The following TRIM23 variants were observed in gnomAD, a reference collection of about 807,000 sequenced individuals.
The protein encoded by TRIM23 is tripartite motif containing 23, also known as E3 ubiquitin-protein ligase TRIM23.
In TRIM23, 27 loss-of-function variants were observed where a neutral mutation model predicts 71.0. The ratio of observed to expected loss-of-function variants is 0.38; its 90% CI spans 0.28 to 0.52. The LOEUF (loss-of-function observed/expected upper bound fraction) is 0.52, where lower values mean the gene tolerates loss of function less well. Ranked by LOEUF, TRIM23 falls within the 20% of genes least tolerant of loss-of-function variation. TRIM23 has a pLI of 0.84. For missense variants in TRIM23, 482 were observed against 692.3 expected, an observed-to-expected ratio of 0.70 and a Z score of 3.41; for synonymous variants, 234 against 238.0, an observed-to-expected ratio of 0.98 and a Z score of 0.16.
intron 9 of TRIM23, among the ~76,000 whole-genome samples, chr5:65,594,924 T>A (rs1378206032): frequency 1.3e-5 from 2 of 152,174 alleles, no homozygotes; most frequent in African/African-American, 4.8e-5. Context: ...TCAAATAACT[T>A]TTTACATAAC....
chr5:65,624,024 C>T (rs536289000), intron 1 of TRIM23, among the ~76,000 whole-genome samples, 170 bp downstream of exon 1: 116 of 152,330 alleles, frequency 7.6e-4, no homozygotes, highest in Non-Finnish European at 2.1e-4. Flanking sequence ...CAATTTCAGG[C>T]CATAGGAGAG....
intron 2 of TRIM23, among the ~76,000 whole-genome samples, 165 bp downstream of exon 2, chr5:65,617,928 T>C (rs980784931): frequency 1.3e-5 from 2 of 152,216 alleles, no homozygotes; most frequent in African/African-American, 2.4e-5. Flanking sequence ...AAGAGTGAGA[T>C]AGTTTATAGC....
chr5:65,609,176 T>A (rs139652469), intron 6 of TRIM23, 67 bp downstream of exon 6: 1 of 1,497,496 alleles, frequency 6.7e-7, no homozygotes, highest in South Asian at 1.2e-5. Flanking sequence ...AACACACTAA[T>A]GTATACCTCT....
chr5:65,609,219 C>A, intron 6 of TRIM23, 24 bp downstream of exon 6: 1 of 1,612,280 alleles, frequency 6.2e-7, no homozygotes, highest in South Asian at 1.1e-5. Flanking sequence ...CAACTAAGTC[C>A]CTAACCACAT....
Position 65,591,807 on chromosome 5 carries a change from G to C in TRIM23, c.1687C>G (p.Arg563Gly). ...GLYEGLDWLS[R>G]QLVAAGVLDV... ...AATACTCCAGCAGCTACAAGTTGCC[G>C]TGAGAGCCAGTCCAACCCTTCATAC... Residue 563 changes from arginine to glycine, a missense_variant, in exon 11 of 11, where the codon CGG becomes GGG. Physicochemically the swap from Arg to Gly is moderately radical, Grantham distance 125 (BLOSUM62 -2). This residue lies in a region of TRIM23 where 307 missense variants were observed against 495.8 expected (regional missense o/e 0.62). Transcript: ENST00000231524. 2 of 1,610,076 alleles carry C rather than the reference G, an allele frequency of 1.2e-6. No individual in the cohort carries two copies. Among genetic ancestry groups the C allele is most frequent in the Non-Finnish European group, 1.7e-6 (2 of 1,177,510 alleles).
intron 1 of TRIM23, among the ~76,000 whole-genome samples, chr5:65,620,816 C>G (rs1302989860): frequency 6.6e-6 from 1 of 152,096 alleles, no homozygotes; most frequent in African/African-American, 2.4e-5. Context: ...TGGCTCACAC[C>G]TGTAATCACA....
chr5:65,592,039 T>A lies in TRIM23; in HGVS notation c.1546-91A>T, dbSNP rs570728427. The stretch of plus-strand genomic sequence containing the variant: ...TTTATAGAGAAATTTGTTGACAGTG[T>A]TCTAACAGAAGCCTAAACAAAAAAC... On this transcript the variant is annotated intron_variant, in intron 10 of 10. Coordinates refer to ENST00000231524, the MANE Select transcript of TRIM23 (RefSeq NM_001656.4). 10 of 1,269,158 alleles carry A rather than the reference T, an allele frequency of 7.9e-6. No homozygotes were observed. The African/African-American group carries it at 1.5e-4, about 19-fold the overall frequency. 78.6% of individuals were successfully genotyped at this position (1,269,158 alleles called of 1,614,324 possible).
rs141589452 is a variant in TRIM23 at position 65,607,477 on chromosome 5, C to G, written c.1044+1766G>C. On this transcript the variant is annotated intron_variant, in intron 6 of 10. Coordinates refer to ENST00000231524, the MANE Select transcript of TRIM23 (RefSeq NM_001656.4). ...GTGTGGCACCTCTCCTTTGCTCTCT[C>G]TTTCTCTCCTGCCGTCCTGTAAACA... 3.7e-3 allele frequency among the ~76,000 whole-genome samples: 559 copies of G among 152,270 alleles called. 3 individuals carry two copies. The highest frequency in any genetic ancestry group is 0.013 in the African/African-American group (528 of 41,548).
chr5:65,610,932 C>T lies in TRIM23; in HGVS notation c.757G>A (p.Gly253Arg). The change falls in exon 5 of 11, where the codon GGA becomes AGA. Residue 253 changes from glycine (G) to arginine (R), a missense_variant. Gly to Arg is a moderately radical substitution (Grantham distance 125). This residue lies in a region of TRIM23 where 307 missense variants were observed against 495.8 expected (regional missense o/e 0.62). Transcript: ENST00000231524. ...EISDYSRKLV[G>R]IVQHIEGGEQ... is the part of the protein sequence containing the mutation. ...CCTCCTTCAATGTGCTGCACAATTCCAACTAATTTTCTGGAATAATCTGAG... is the reference window on the plus strand; with the variant it reads ...CCTCCTTCAATGTGCTGCACAATTCTAACTAATTTTCTGGAATAATCTGAG... 5 of 1,613,814 alleles carry T rather than the reference C, an allele frequency of 3.1e-6. No homozygotes were observed. Among genetic ancestry groups the T allele is most frequent in the Non-Finnish European group, 4.2e-6 (5 of 1,179,866 alleles).
intron 1 of TRIM23, among the ~76,000 whole-genome samples, chr5:65,620,907 C>T (rs1754917751): frequency 1.9e-5 from 2 of 102,886 alleles, no homozygotes; most frequent in South Asian, 7.0e-4. Flanking sequence ...GAGACCCTGT[C>T]TCTACAAAAA....
At chr5:65,598,227 C>T (rs147345196) in intron 7 of TRIM23, among the ~76,000 whole-genome samples, 1,528 of 152,138 alleles carry the variant, frequency 0.01, 28 homozygotes, top group African/African-American at 0.035. Context: ...CAGTTATACA[C>T]CTCAGAAATA....
chr5:65,604,306 G>A lies in TRIM23; in HGVS notation c.1179+605C>T, dbSNP rs552506621. ...GATGGGGTTTCTCCATGTTGGTCAG[G>A]CTGGTCTCAAACTCCTGAACTCAGG... On this transcript the variant is annotated intron_variant, in intron 7 of 10. Transcript: ENST00000231524. Among the ~76,000 whole-genome samples the A allele has an allele frequency of 2.6e-5, 4 of 152,124 alleles. No homozygotes were observed. The South Asian group carries it at 8.3e-4, about 32-fold the overall frequency.
chr5:65,600,598 T>A (rs1173663203), intron 7 of TRIM23, among the ~76,000 whole-genome samples: 1 of 145,636 alleles, frequency 6.9e-6, no homozygotes, highest in African/African-American at 2.6e-5. Context: ...TGAGAGTGAC[T>A]TCAGGGATAC....
chr5:65,604,853 C>G, intron 7 of TRIM23, 58 bp downstream of exon 7: 11 of 1,474,312 alleles, frequency 7.5e-6, no homozygotes, highest in Non-Finnish European at 1.0e-5. Flanking sequence ...TATCATGAAA[C>G]GTAAATCAAT....
At chr5:65,621,029 CA>C (rs970383774) in intron 1 of TRIM23, among the ~76,000 whole-genome samples, 91 of 143,738 alleles carry the variant, frequency 6.3e-4, no homozygotes, top group African/African-American at 1.5e-3. Flanking sequence ...GAACCTGCCT[CA>C]AAAAAAAAAA....
intron 7 of TRIM23, among the ~76,000 whole-genome samples, chr5:65,599,603 T>A (rs1179809459): frequency 6.6e-6 from 1 of 152,148 alleles, no homozygotes; most frequent in East Asian, 1.9e-4. Context: ...AATTAAGACA[T>A]AAATAGACAT....
At chr5:65,623,117 G>A (rs1336005808) in intron 1 of TRIM23, among the ~76,000 whole-genome samples, 1 of 152,060 alleles carries the variant, frequency 6.6e-6, no homozygotes, top group Non-Finnish European at 1.5e-5. Context: ...ACTAAATTGT[G>A]GGAAGAAATG....
chr5:65,613,683 C>T (rs1754710065), intron 3 of TRIM23: 3 of 1,136,706 alleles, frequency 2.6e-6, no homozygotes, highest in Admixed American at 4.2e-5. Context: ...GAAGTTACTG[C>T]TATCTTTAAG....
chr5:65,621,691 GTTA>G (rs1754951111), intron 1 of TRIM23, among the ~76,000 whole-genome samples: 1 of 151,790 alleles, frequency 6.6e-6, no homozygotes, highest in Non-Finnish European at 1.5e-5. Flanking sequence ...AGGAATTGTG[GTTA>G]ACAGCAAAAA....
Sources: gnomAD v4.1 joint callset for allele counts (sites outside exome capture counted in the v4.1 genomes callset) on GRCh38, gnomAD v4.1.1 for gene constraint, gnomAD v4.1.1 regional missense constraint, MANE v1.5 for transcripts, NCBI Gene and HGNC (gene_info 2026-07-23, HGNC 2026-07-21) for gene names.